Variants in CD244 observed in about 807,000 individuals in gnomAD.
The protein encoded by CD244 is CD244 molecule.
CD244 carries 20 observed loss-of-function variants against 45.5 expected under a neutral mutation model. The ratio of observed to expected loss-of-function variants is 0.44; its 90% CI spans 0.31 to 0.64. The LOEUF (loss-of-function observed/expected upper bound fraction) is 0.64. Ranked by LOEUF, CD244 falls within the 30% of genes least tolerant of loss-of-function variation. The probability of loss-of-function intolerance (pLI) is 0.08; values close to 1 mark genes in which losing one functional copy is unlikely to be tolerated. For missense variants in CD244, 407 were observed against 426.9 expected, an observed-to-expected ratio of 0.95 and a Z score of 0.41; for synonymous variants, 185 against 160.5, an observed-to-expected ratio of 1.15 and a Z score of -1.15.
chr1:160,831,517 A>G lies in CD244; in HGVS notation c.1018-90T>C, dbSNP rs1271737709. 18 of 929,178 alleles carry G rather than the reference A, an allele frequency of 1.9e-5. No homozygotes were observed. The East Asian group carries it at 4.1e-4, about 21-fold the overall frequency. The allele number at this position is 929,178 out of a possible 1,614,324, so 57.6% of individuals were successfully genotyped here. ...GTATGACTTGCCATCCCCATTTTAC[A>G]GATTTAAAAAATGAAGCTCAGAGTG... On this transcript the variant is annotated intron_variant, in intron 8 of 8. Coordinates refer to ENST00000368034, the MANE Select transcript of CD244 (RefSeq NM_016382.4).
chr1:160,860,212 A>T (rs1052726927), intron 1 of CD244, among the ~76,000 whole-genome samples: 2 of 152,106 alleles, frequency 1.3e-5, no homozygotes, highest in African/African-American at 4.8e-5. Flanking sequence ...CATCTCTAAA[A>T]AATAATAATA....
intron 1 of CD244, among the ~76,000 whole-genome samples, chr1:160,856,372 T>G (rs1670105777): frequency 6.6e-6 from 1 of 152,192 alleles, no homozygotes; most frequent in Non-Finnish European, 1.5e-5. Context: ...TCATCTCATA[T>G]GTGATATTGT....
At chr1:160,844,919 G>T (rs1266555516) in intron 1 of CD244, among the ~76,000 whole-genome samples, 1 of 152,048 alleles carries the variant, frequency 6.6e-6, no homozygotes, top group African/African-American at 2.4e-5. Context: ...AGCTTGCAGT[G>T]AGCCGAGATA....
At chr1:160,838,740 G>A (rs1042078180) in intron 4 of CD244, 199 bp downstream of exon 4, 21 of 615,068 alleles carry the variant, frequency 3.4e-5, no homozygotes, top group Middle Eastern at 4.3e-4. Context: ...GGAAATCTGC[G>A]CATTGGGATC....
rs112100754 is a variant in CD244, at chr1:160,832,355, T to G, written c.1017+164A>C. Among the ~76,000 whole-genome samples the G allele has an allele frequency of 2.5e-3, 375 of 152,276 alleles. 3 individuals are homozygous for G. Among genetic ancestry groups the G allele is most frequent in the African/African-American group, 8.6e-3 (357 of 41,554 alleles). Reference sequence around the variant, plus strand: ...GTCAGACCCTCACTCTCCTTGGGCTTCAGTGTCTTCATCTCTAAAACAAAG... The same window carrying G: ...GTCAGACCCTCACTCTCCTTGGGCTGCAGTGTCTTCATCTCTAAAACAAAG... On this transcript the variant is annotated intron_variant, in intron 8 of 8. Transcript: ENST00000368034.
At chr1:160,848,680 T>A (rs1669817981) in intron 1 of CD244, among the ~76,000 whole-genome samples, 1 of 151,318 alleles carries the variant, frequency 6.6e-6, no homozygotes, top group Admixed American at 6.6e-5. Flanking sequence ...TTCTACAAGG[T>A]TGTTGGTCAT....
intron 1 of CD244, among the ~76,000 whole-genome samples, chr1:160,846,538 C>T (rs1227873730): frequency 1.3e-5 from 2 of 152,008 alleles, no homozygotes; most frequent in African/African-American, 2.4e-5. Flanking sequence ...TGGTGGCACG[C>T]GCCCATAATC....
At chr1:160,849,886 C>T (rs1669861693) in intron 1 of CD244, among the ~76,000 whole-genome samples, 1 of 152,072 alleles carries the variant, frequency 6.6e-6, no homozygotes, top group Admixed American at 6.6e-5. Flanking sequence ...GTGGCAGTCA[C>T]CTGAAATCCC....
At chr1:160,842,644 G>A (rs142859095) in intron 1 of CD244, among the ~76,000 whole-genome samples, 11 of 152,036 alleles carry the variant, frequency 7.2e-5, no homozygotes, top group Non-Finnish European at 1.5e-4. Flanking sequence ...ATCCTCTCTC[G>A]TGGCACTTGG....
At chr1:160,855,298 A>G (rs1187857170) in intron 1 of CD244, among the ~76,000 whole-genome samples, 2 of 152,154 alleles carry the variant, frequency 1.3e-5, no homozygotes, top group Non-Finnish European at 2.9e-5. Flanking sequence ...GGACACTGAG[A>G]GTCCAGCTGG....
intron 1 of CD244, among the ~76,000 whole-genome samples, chr1:160,846,124 A>G (rs1188217164): frequency 6.6e-6 from 1 of 152,020 alleles, no homozygotes. Context: ...AGTTCATTAG[A>G]GGTGATTTGT....
At chr1:160,853,701 A>G (rs1207595320) in intron 1 of CD244, among the ~76,000 whole-genome samples, 1 of 151,348 alleles carries the variant, frequency 6.6e-6, no homozygotes, top group East Asian at 1.9e-4. Context: ...TAAATATCAG[A>G]AAAGCCTGGG....
At chr1:160,832,275 T>G (rs1232724254) in intron 8 of CD244, among the ~76,000 whole-genome samples, 2 of 152,138 alleles carry the variant, frequency 1.3e-5, no homozygotes, top group Non-Finnish European at 2.9e-5. Flanking sequence ...CGGCCCTAAT[T>G]TAAAACCCAA....
intron 1 of CD244, among the ~76,000 whole-genome samples, chr1:160,856,847 G>A (rs1226342667): frequency 6.6e-6 from 1 of 151,964 alleles, no homozygotes; most frequent in Admixed American, 6.6e-5. Context: ...AAAAAATCAT[G>A]TACAGTAAAG....
At position 160,838,516 on chromosome 1, in the gene CD244, T is replaced by G. The variant is rs763106687; in HGVS notation, c.769A>C (p.Thr257Pro). Residue 257 changes from threonine to proline, a missense_variant and splice_region_variant, in exon 5 of 9, where the codon ACC becomes CCC. Physicochemically the swap from Thr to Pro is conservative, Grantham distance 38. Transcript: ENST00000368034. Reference protein sequence around the residue: ...RRKRKEKQSETSPKEFLTIYE... With the variant: ...RRKRKEKQSEPSPKEFLTIYE... ...ATTGTCAAAAATTCCTTGGGACTGG[T>G]CTCTGAGGGAGGAAGAAAACAAAGA... is the stretch of plus-strand genomic sequence containing the variant. 2 of 1,611,052 alleles carry G rather than the reference T, an allele frequency of 1.2e-6. No individual in the cohort carries two copies. The highest frequency in any genetic ancestry group is 1.1e-5 in the South Asian group (1 of 91,018).
chr1:160,846,139 C>T (rs1474339990), intron 1 of CD244, among the ~76,000 whole-genome samples: 2 of 151,802 alleles, frequency 1.3e-5, no homozygotes, highest in South Asian at 2.1e-4. Context: ...ATTTGTGAGT[C>T]GGTGCACCCA....
At chr1:160,831,571 T>G (rs1453284405) in intron 8 of CD244, 144 bp from the exon 9 acceptor site, 4 of 630,722 alleles carry the variant, frequency 6.3e-6, no homozygotes, top group African/African-American at 1.8e-5. Flanking sequence ...GATCCACGAC[T>G]AGTGTGAAGT....
chr1:160,857,085 T>C (rs1303887918), intron 1 of CD244, among the ~76,000 whole-genome samples: 2 of 152,230 alleles, frequency 1.3e-5, no homozygotes, highest in African/African-American at 4.8e-5. Flanking sequence ...TCATGCAGGA[T>C]ACCAGAGAAA....
Position 160,862,671 on chromosome 1 carries a change from C to T in CD244, c.7G>A (p.Gly3Arg). ...AGGAGTATGAGGGTGACCACTTGCC[C>T]CAGCATTTCCACAGGACAGAGGGGC... ML[G>R]QVVTLILLLL... The change falls in exon 1 of 9, where the codon GGG becomes AGG. Residue 3 changes from glycine (G) to arginine (R), a missense_variant. Physicochemically the swap from Gly to Arg is moderately radical, Grantham distance 125. Coordinates refer to ENST00000368034, the MANE Select transcript of CD244 (RefSeq NM_016382.4). The T allele has an allele frequency of 6.2e-7, 1 of 1,613,964 alleles. No homozygotes were observed. The highest frequency in any genetic ancestry group is 1.7e-5 in the Admixed American group (1 of 60,018).
Sources: gnomAD v4.1 joint callset for allele counts (sites outside exome capture counted in the v4.1 genomes callset) on GRCh38, gnomAD v4.1.1 for gene constraint, MANE v1.5 for transcripts, NCBI Gene and HGNC (gene_info 2026-07-23, HGNC 2026-07-21) for gene names.